The following LATS2 variants were observed in gnomAD, a reference collection of about 807,000 sequenced individuals.
LATS2 encodes the protein large tumor suppressor kinase 2, also known as serine/threonine-protein kinase LATS2.
A neutral mutation model predicts 76.0 loss-of-function variants in LATS2; 24 were observed. That is an observed-to-expected ratio of 0.32 (90% CI 0.23 to 0.44). LATS2 has a LOEUF of 0.44. Among genes scored for constraint, LATS2 ranks in the 20% least tolerant of loss-of-function variants. The probability of loss-of-function intolerance (pLI) is 1.00; values close to 1 mark genes in which losing one functional copy is unlikely to be tolerated. For synonymous variants in LATS2, 692 were observed against 635.4 expected, an observed-to-expected ratio of 1.09 and a Z score of -1.34; for missense variants, 1,286 against 1,481.2, an observed-to-expected ratio of 0.87 and a Z score of 2.16.
chr13:20,973,432 AAG>A lies in LATS2; in HGVS notation c.*1436_*1437del, dbSNP rs1869427459. 2 of 232,094 alleles carry A rather than the reference AAG, an allele frequency of 8.6e-6. No homozygotes were observed. Among genetic ancestry groups the A allele is most frequent in the South Asian group, 3.6e-4 (2 of 5,526 alleles). The allele number at this position is 232,094 out of a possible 1,614,324, so 14.4% of individuals were successfully genotyped here. A position where few individuals can be genotyped will look rare whatever the true frequency, so the allele number is the denominator to read the frequency against. On this transcript the variant is annotated 3_prime_UTR_variant, in exon 8 of 8. Coordinates refer to ENST00000382592, the MANE Select transcript of LATS2 (RefSeq NM_014572.3). ...GCATCAGATTTTTTAAAAAGCAAAAAAGAATTGAACTTTTTACTCAAATATAA... is the reference window on the plus strand; with the variant it reads ...GCATCAGATTTTTTAAAAAGCAAAAAAATTGAACTTTTTACTCAAATATAA...
intron 2 of LATS2, among the ~76,000 whole-genome samples, chr13:21,035,154 T>G (rs575614533): frequency 6.6e-6 from 1 of 152,142 alleles, no homozygotes; most frequent in Admixed American, 6.5e-5. Context: ...ATATAAAAAA[T>G]TGCATGATGA....
chr13:21,046,304 A>G (rs1873075055), intron 1 of LATS2, 74 bp from the exon 2 acceptor site: 1 of 356,120 alleles, frequency 2.8e-6, no homozygotes, highest in African/African-American at 2.1e-5. Flanking sequence ...CTTTTCAGAA[A>G]TAAACAGTGA....
At chr13:21,001,487 G>A (rs577349983) in intron 2 of LATS2, among the ~76,000 whole-genome samples, 1 of 152,342 alleles carries the variant, frequency 6.6e-6, no homozygotes, top group Admixed American at 6.5e-5. Context: ...TGCTGTGCCA[G>A]TTCTGAGCCT....
intron 6 of LATS2, among the ~76,000 whole-genome samples, 194 bp from the exon 7 acceptor site, chr13:20,979,991 G>A (rs969668067): frequency 3.9e-5 from 6 of 152,150 alleles, no homozygotes; most frequent in African/African-American, 1.4e-4. Flanking sequence ...GGCCATGGCC[G>A]CTTAGGTTTT....
intron 7 of LATS2, among the ~76,000 whole-genome samples, chr13:20,977,024 A>G (rs1179282191): frequency 6.6e-6 from 1 of 152,198 alleles, no homozygotes; most frequent in African/African-American, 2.4e-5. Context: ...AGCTACAACA[A>G]TGGATGAACC....
chr13:21,055,796 A>T (rs1402811540), intron 1 of LATS2, among the ~76,000 whole-genome samples: 2 of 152,242 alleles, frequency 1.3e-5, no homozygotes, highest in African/African-American at 2.4e-5. Flanking sequence ...TATTTAAATC[A>T]TATCCCTACT....
chr13:21,030,278 T>G (rs1270330996), intron 2 of LATS2, among the ~76,000 whole-genome samples: 1 of 151,890 alleles, frequency 6.6e-6, no homozygotes, highest in Non-Finnish European at 1.5e-5. Context: ...AAATGTTAAT[T>G]TTGAGTTACA....
chr13:20,980,420 G>T (rs1002855762), intron 6 of LATS2, among the ~76,000 whole-genome samples: 3 of 152,160 alleles, frequency 2.0e-5, no homozygotes, highest in African/African-American at 7.2e-5. Context: ...AGAGCCTCAT[G>T]ACCCATCAAG....
intron 2 of LATS2, among the ~76,000 whole-genome samples, chr13:21,006,625 G>A (rs2138328625): frequency 6.6e-6 from 1 of 152,320 alleles, no homozygotes; most frequent in Non-Finnish European, 1.5e-5. Flanking sequence ...CTGAATATGT[G>A]TGAAGACTCT....
chr13:21,052,597 C>T (rs1415602563), intron 1 of LATS2, among the ~76,000 whole-genome samples: 1 of 152,172 alleles, frequency 6.6e-6, no homozygotes, highest in Non-Finnish European at 1.5e-5. Flanking sequence ...AGTGATCCAC[C>T]TGCCTCAGCC....
chr13:21,054,170 G>C (rs757793180), intron 1 of LATS2, among the ~76,000 whole-genome samples: 1 of 152,138 alleles, frequency 6.6e-6, no homozygotes, highest in African/African-American at 2.4e-5. Context: ...TAGCTACACG[G>C]CTGGGTGCAG....
chr13:21,030,754 G>A (rs1207968492), intron 2 of LATS2, among the ~76,000 whole-genome samples: 1 of 151,810 alleles, frequency 6.6e-6, no homozygotes, highest in Non-Finnish European at 1.5e-5. Context: ...GTCTTTTAAA[G>A]AGATTACAAG....
At position 20,988,248 on chromosome 13, in the gene LATS2, C is replaced by T. The variant is rs764960515; in HGVS notation, c.1532G>A (p.Arg511Gln). 17 of 1,600,314 alleles carry T rather than the reference C, an allele frequency of 1.1e-5. No homozygotes were observed. The highest frequency in any genetic ancestry group is 2.2e-5 in the South Asian group (2 of 90,810). ...PLDVEYGGPDRRCPPPPYPKH... is the reference protein window; with the variant it reads ...PLDVEYGGPDQRCPPPPYPKH... ...CGGGTAGGGCGGAGGCGGGCACCTCCGGTCTGGGCCTCCGTACTCCACGTC... is the reference window on the plus strand; with the variant it reads ...CGGGTAGGGCGGAGGCGGGCACCTCTGGTCTGGGCCTCCGTACTCCACGTC... Residue 511 changes from arginine to glutamine, a missense_variant, in exon 4 of 8, where the codon CGG becomes CAG. This residue lies in a region of LATS2 where 710 missense variants were observed against 660.9 expected (regional missense o/e 1.07). Coordinates refer to ENST00000382592, the MANE Select transcript of LATS2 (RefSeq NM_014572.3).
chr13:21,029,577 G>A (rs1228921628), intron 2 of LATS2, among the ~76,000 whole-genome samples: 1 of 152,168 alleles, frequency 6.6e-6, no homozygotes, highest in African/African-American at 2.4e-5. Flanking sequence ...CGTATCACGA[G>A]GTCAGGAGTT....
At chr13:20,999,242 T>C (rs1317077797) in intron 2 of LATS2, among the ~76,000 whole-genome samples, 7 of 152,380 alleles carry the variant, frequency 4.6e-5, no homozygotes, top group African/African-American at 1.4e-4. Context: ...GCCCCAGCCG[T>C]GGCCGCCTCC....
intron 1 of LATS2, among the ~76,000 whole-genome samples, chr13:21,046,494 G>C (rs1343607252): frequency 6.6e-6 from 1 of 152,184 alleles, no homozygotes; most frequent in Admixed American, 6.5e-5. Context: ...GGCAAGAACA[G>C]TAGTATTAAC....
intron 1 of LATS2, among the ~76,000 whole-genome samples, chr13:21,053,263 C>T (rs532833212): frequency 7.1e-6 from 1 of 141,482 alleles, no homozygotes; most frequent in Admixed American, 7.1e-5. Context: ...AAAAGCCCAA[C>T]TCAACCCCAC....
intron 2 of LATS2, among the ~76,000 whole-genome samples, chr13:21,000,200 T>C (rs1870979961): frequency 6.6e-6 from 1 of 151,992 alleles, no homozygotes; most frequent in Admixed American, 6.6e-5. Flanking sequence ...GCTAACATGG[T>C]GAAACCCTGT....
chr13:21,008,064 T>C (rs967919946), intron 2 of LATS2, among the ~76,000 whole-genome samples: 1 of 151,818 alleles, frequency 6.6e-6, no homozygotes, highest in Admixed American at 6.6e-5. Context: ...CAGCCCTGAC[T>C]TCTGTTTTAA....
Sources: allele counts gnomAD v4.1 joint callset (sites outside exome capture counted in the v4.1 genomes callset), GRCh38; gene constraint gnomAD v4.1.1; regional missense constraint gnomAD v4.1.1; transcripts MANE v1.5; gene names NCBI Gene and HGNC (gene_info 2026-07-23, HGNC 2026-07-21).